PDE1C: variants seen among roughly 807,000 people sequenced by gnomAD.
PDE1C encodes dual specificity calcium/calmodulin-dependent 3',5'-cyclic nucleotide phosphodiesterase 1C.
Under a neutral mutation model 93.1 loss-of-function variants are expected in PDE1C, and 62 were observed. The ratio of observed to expected loss-of-function variants is 0.67; its 90% confidence interval spans 0.54 to 0.82. The LOEUF (loss-of-function observed/expected upper bound fraction) is 0.82. Among genes scored for constraint, PDE1C ranks in the 40% least tolerant of loss-of-function variants. The pLI is 0.00. For missense variants in PDE1C, 742 were observed against 884.6 expected, an observed-to-expected ratio of 0.84 and a Z score of 2.04; for synonymous variants, 325 against 310.1, an observed-to-expected ratio of 1.05 and a Z score of -0.50.
At chr7:31,823,023 A>G (rs1789171261) in intron 14 of PDE1C, 50 bp downstream of exon 14, 1 of 1,464,982 alleles carries the variant, frequency 6.8e-7, no homozygotes, top group South Asian at 1.4e-5. Context: ...CTCAGAGAGG[A>G]CAACCTTGTT....
chr7:32,009,751 T>TA (rs1227371769), intron 2 of PDE1C, among the ~76,000 whole-genome samples: 2 of 152,120 alleles, frequency 1.3e-5, no homozygotes, highest in African/African-American at 2.4e-5. Flanking sequence ...AAACTGTCTT[T>TA]ATTTACAAAC....
intron 1 of PDE1C, among the ~76,000 whole-genome samples, chr7:32,334,944 T>A (rs1030622700): frequency 2.6e-5 from 4 of 152,180 alleles, no homozygotes; most frequent in African/African-American, 9.7e-5. Flanking sequence ...GAAAATATTA[T>A]TTTTAATTTT....
chr7:31,791,493 C>T (rs889767890), intron 16 of PDE1C, among the ~76,000 whole-genome samples: 6 of 152,218 alleles, frequency 3.9e-5, no homozygotes, highest in African/African-American at 1.4e-4. Context: ...CATGGAATTG[C>T]AATACATGAC....
At chr7:31,684,086 T>C in the PDE1C span, among the ~76,000 whole-genome samples, 1 of 152,192 alleles carries the variant, frequency 6.6e-6, no homozygotes, top group East Asian at 1.9e-4. Context: ...GGTATAGATT[T>C]ACATTACCAT....
intron 2 of PDE1C, among the ~76,000 whole-genome samples, chr7:31,962,434 T>C (rs1809136034): frequency 6.6e-6 from 1 of 152,248 alleles, no homozygotes; most frequent in African/African-American, 2.4e-5. Context: ...AACATGCTTA[T>C]GGCCCACACT....
In PDE1C at chr7:32,413,878, A is replaced by G. The variant is rs1373957769; in HGVS notation, c.310+13944T>C. Among the ~76,000 whole-genome samples, 3 of 152,162 alleles carry G rather than the reference A, an allele frequency of 2.0e-5. No homozygotes were observed. In the East Asian group the frequency reaches 5.8e-4, roughly 29 times the overall value. The stretch of plus-strand genomic sequence containing the variant: ...AGGGAAGTTTATCACAGAATTGTTT[A>G]TAATAGAGAGAATTGTAATCAGCCC... On this transcript the variant is annotated intron_variant, in intron 1 of 1. Coordinates refer to the PDE1C transcript ENST00000672256.
chr7:32,333,692 A>G (rs1783556157), intron 1 of PDE1C, among the ~76,000 whole-genome samples: 1 of 152,228 alleles, frequency 6.6e-6, no homozygotes, highest in African/African-American at 2.4e-5. Flanking sequence ...AATGGAGGAA[A>G]TACTACCTAC....
chr7:32,395,966 A>T (rs1415894997), intron 1 of PDE1C, among the ~76,000 whole-genome samples: 7 of 152,216 alleles, frequency 4.6e-5, no homozygotes, highest in Admixed American at 4.6e-4. Flanking sequence ...ATAGTATTAT[A>T]TCTTAAAAAC....
chr7:32,098,300 T>A (rs1294057133), intron 3 of PDE1C, among the ~76,000 whole-genome samples: 1 of 151,392 alleles, frequency 6.6e-6, no homozygotes, highest in Non-Finnish European at 1.5e-5. Context: ...AATCATTTAT[T>A]TTCTCCATTT....
intron 16 of PDE1C, chr7:31,789,330 C>T (rs1254690757): frequency 6.6e-6 from 1 of 152,132 alleles, no homozygotes; most frequent in African/African-American, 2.4e-5. Context: ...TAAAAACTCA[C>T]TAAAATGCAA....
At chr7:32,420,123 A>ATATATATG (rs1432430238) in intron 1 of PDE1C, among the ~76,000 whole-genome samples, 4 of 22,474 alleles carry the variant, frequency 1.8e-4, no homozygotes, top group Non-Finnish European at 2.9e-4. Flanking sequence ...ATATATATAT[A>ATATATATG]TACACACACA....
At chr7:32,140,506 T>C (rs930136139) in intron 3 of PDE1C, among the ~76,000 whole-genome samples, 92 of 152,362 alleles carry the variant, frequency 6.0e-4, no homozygotes, top group African/African-American at 2.0e-3. Flanking sequence ...TGATTATAAA[T>C]GGAAAACAAT....
chr7:32,290,429 G>C (rs1812260835), intron 1 of PDE1C, among the ~76,000 whole-genome samples: 1 of 152,240 alleles, frequency 6.6e-6, no homozygotes, highest in South Asian at 2.1e-4. Context: ...ACAACCAACA[G>C]CTACCAATTA....
intron 14 of PDE1C, chr7:31,820,483 T>A (rs756360473): frequency 1.3e-5 from 2 of 152,154 alleles, no homozygotes; most frequent in Non-Finnish European, 1.5e-5. Flanking sequence ...CTAAGGGCTA[T>A]AAAAATATTT....
At chr7:31,936,450 C>G (rs1805091501) in intron 2 of PDE1C, among the ~76,000 whole-genome samples, 1 of 151,396 alleles carries the variant, frequency 6.6e-6, no homozygotes, top group Admixed American at 6.6e-5. Context: ...AAAAAAAACT[C>G]TAAAAAGTTA....
intron 2 of PDE1C, among the ~76,000 whole-genome samples, chr7:32,208,392 C>T (rs1211222398): frequency 6.6e-6 from 1 of 151,948 alleles, no homozygotes; most frequent in East Asian, 1.9e-4. Flanking sequence ...TTTCAAAAGA[C>T]AGCAACATTT....
rs533556984 is a variant in PDE1C, at chr7:31,986,011, C to T, written c.128+65543G>A. 2.0e-5 allele frequency among the ~76,000 whole-genome samples: 3 copies of T among 152,266 alleles called. No individual in the cohort carries two copies. The South Asian group carries it at 6.2e-4, about 32-fold the overall frequency. On this transcript the variant is annotated intron_variant, in intron 2 of 17. Coordinates refer to ENST00000396191, the MANE Select transcript of PDE1C (RefSeq NM_001191057.4). ...GTGAAGTGGATTGACTAGTATACCA[C>T]CAAAATTCACATCTACCTGGAAAAC...
the PDE1C span, among the ~76,000 whole-genome samples, chr7:31,634,903 C>A: frequency 6.6e-6 from 1 of 152,214 alleles, no homozygotes; most frequent in African/African-American, 2.4e-5. Flanking sequence ...AGGGAAAATG[C>A]CACTGAGGGC....
At chr7:32,087,682 T>C (rs1379710375) in intron 3 of PDE1C, among the ~76,000 whole-genome samples, 1 of 152,124 alleles carries the variant, frequency 6.6e-6, no homozygotes, top group Non-Finnish European at 1.5e-5. Flanking sequence ...TAAAAAAGGA[T>C]GAGTTCATGT....
Sources: allele counts gnomAD v4.1 joint callset (sites outside exome capture counted in the v4.1 genomes callset), GRCh38; gene constraint gnomAD v4.1.1; transcripts MANE v1.5; gene names NCBI Gene and HGNC (gene_info 2026-07-23, HGNC 2026-07-21).